Variants in MAT2A observed in about 807,000 individuals in gnomAD.
MAT2A encodes S-adenosylmethionine synthase isoform type-2.
A neutral mutation model predicts 43.9 loss-of-function variants in MAT2A; 3 were observed. The observed-to-expected ratio is 0.07, with a 90% CI of 0.03 to 0.18. The LOEUF (loss-of-function observed/expected upper bound fraction) is 0.18, where lower values mean the gene tolerates loss of function less well. MAT2A is among the 10% of genes least tolerant of loss of function. The pLI is 1.00. For missense variants in MAT2A, 204 were observed against 489.0 expected (o/e 0.42, Z 5.50); for synonymous variants, 200 against 168.4 (o/e 1.19, Z -1.45).
At chr2:85,539,414 G>C (rs772696334) in intron 1 of MAT2A, 36 bp downstream of exon 1, 39 of 1,535,996 alleles carry the variant, frequency 2.5e-5, no homozygotes, top group Non-Finnish European at 3.0e-5. Context: ...GTGGGGCGGG[G>C]CAGAAGGCAG....
rs1691507595 is a variant in MAT2A at position 85,542,761 on chromosome 2, ATAT to A, written c.951+15_951+17del. 6.3e-7 allele frequency: 1 copy of A among 1,592,544 alleles called. No homozygotes were observed. Among genetic ancestry groups the A allele is most frequent in the Non-Finnish European group, 8.6e-7 (1 of 1,165,644 alleles). On this transcript the variant is annotated intron_variant, in intron 7 of 8. Coordinates refer to ENST00000306434, the MANE Select transcript of MAT2A (RefSeq NM_005911.6). Reference sequence around the variant, plus strand: ...GTTCTTGTTCAGGTATACACTCTTTATATAACGAACGATTAAAAGTCATGTAAG... The same window carrying A: ...GTTCTTGTTCAGGTATACACTCTTTAAACGAACGATTAAAAGTCATGTAAG...
At chr2:85,540,666 T>C (rs1026007828) in intron 1 of MAT2A, among the ~76,000 whole-genome samples, 1 of 152,256 alleles carries the variant, frequency 6.6e-6, no homozygotes, top group Admixed American at 6.5e-5. Flanking sequence ...CAAAATCAGA[T>C]AATTGCCATT....
intron 8 of MAT2A, 73 bp downstream of exon 8, chr2:85,543,107 G>A: frequency 6.7e-7 from 1 of 1,500,680 alleles, no homozygotes; most frequent in Non-Finnish European, 9.0e-7. Flanking sequence ...TTAAGGCTGA[G>A]GAGGTGAAGG....
chr2:85,542,129 T>G, intron 5 of MAT2A, 26 bp from the exon 6 acceptor site: 1 of 1,598,790 alleles, frequency 6.3e-7, no homozygotes, highest in Middle Eastern at 1.7e-4. Context: ...TGGTGTGATG[T>G]TCTGATGACC....
chr2:85,541,074 C>CT lies in MAT2A; in HGVS notation c.92-5dup. The CT allele has an allele frequency of 1.2e-6, 2 of 1,603,820 alleles. No individual in the cohort carries two copies. Among genetic ancestry groups the CT allele is most frequent in the Non-Finnish European group, 1.7e-6 (2 of 1,174,010 alleles). ...TAAAGAAACTGAGCCAGGAATTTCT[C>CT]TTTTCCAGATAAGATTTGTGACCAA... On this transcript the variant is annotated splice_polypyrimidine_tract_variant and intron_variant, in intron 1 of 8. Coordinates refer to ENST00000306434, the MANE Select transcript of MAT2A (RefSeq NM_005911.6).
chr2:85,542,852 A>G lies in MAT2A; in HGVS notation c.952-49A>G, dbSNP rs2043675. On this transcript the variant is annotated intron_variant, in intron 7 of 8. Transcript: ENST00000306434. The stretch of plus-strand genomic sequence containing the variant: ...TTTTATACCAACGTATTATACAAGT[A>G]TATGGGTCTTTGCAATCACTGATTC... 0.28 allele frequency: 441,676 copies of G among 1,593,930 alleles called. 62,648 individuals carry two copies. Among genetic ancestry groups the G allele is most frequent in the African/African-American group, 0.36 (26,909 of 74,318 alleles).
chr2:85,541,036 CTTTG>C (rs749961627), intron 1 of MAT2A, 43 bp from the exon 2 acceptor site: 2 of 1,369,706 alleles, frequency 1.5e-6, no homozygotes, highest in Non-Finnish European at 1.0e-6. Context: ...TACATACATA[CTTTG>C]TTTAAAGTTA....
chr2:85,539,940 T>G (rs1454506238), intron 1 of MAT2A: 2 of 153,076 alleles, frequency 1.3e-5, no homozygotes, highest in Non-Finnish European at 2.9e-5. Context: ...AGTGGTTAGG[T>G]CTTGACTACA....
intron 8 of MAT2A, 81 bp downstream of exon 8, chr2:85,543,115 A>G: frequency 1.4e-6 from 2 of 1,451,758 alleles, no homozygotes; most frequent in Non-Finnish European, 1.9e-6. Context: ...GAGGAGGTGA[A>G]GGTGTGAAGG....
Position 85,542,304 on chromosome 2 carries a change from G to A in MAT2A, c.699G>A (p.Ala233=), listed in dbSNP as rs1407097517. The change falls in exon 6 of 9, where the codon GCG becomes GCA. Residue 233 remains alanine (A), a synonymous_variant. Coordinates refer to ENST00000306434, the MANE Select transcript of MAT2A (RefSeq NM_005911.6). ...AAGTCATCAAAGCAGTTGTGCCTGCGAAATACCTTGATGAGGATACAATCT... is the reference window on the plus strand; with the variant it reads ...AAGTCATCAAAGCAGTTGTGCCTGCAAAATACCTTGATGAGGATACAATCT... ...KEKVIKAVVP[A]KYLDEDTIYH... is the part of the protein sequence containing the mutation. 8.7e-6 allele frequency: 14 copies of A among 1,614,056 alleles called. No homozygotes were observed. In the African/African-American group the frequency reaches 1.1e-4, roughly 12 times the overall value.
chr2:85,541,059 G>T, intron 1 of MAT2A, 24 bp from the exon 2 acceptor site: 2 of 1,570,060 alleles, frequency 1.3e-6, no homozygotes, highest in Non-Finnish European at 1.7e-6. Context: ...TAAAGAAACT[G>T]AGCCAGGAAT....
intron 8 of MAT2A, 49 bp downstream of exon 8, chr2:85,543,083 G>A (rs750626273): frequency 5.6e-6 from 9 of 1,597,268 alleles, no homozygotes; most frequent in East Asian, 2.2e-5. Context: ...GGTGTTGGGT[G>A]TGTGTGTATA....
At chr2:85,539,514 C>A in intron 1 of MAT2A, 136 bp downstream of exon 1, 1 of 587,746 alleles carries the variant, frequency 1.7e-6, no homozygotes, top group Non-Finnish European at 2.8e-6. Context: ...GGCGACCGCG[C>A]GCTTTCCTCG....
rs769208420 is a variant in MAT2A at position 85,539,258 on chromosome 2, G to C, written c.-30G>C. The C allele has an allele frequency of 1.3e-6, 2 of 1,559,896 alleles. No homozygotes were observed. The highest frequency in any genetic ancestry group is 1.1e-5 in the South Asian group (1 of 87,580). ...GCTGCCGCCTCGCCGCTGCTCCTTC[G>C]TAAGGCCACTTCCGCACACCGACAC... On this transcript the variant is annotated 5_prime_UTR_variant, in exon 1 of 9. Transcript: ENST00000306434.
intron 8 of MAT2A, 67 bp from the exon 9 acceptor site, chr2:85,543,603 C>T (rs533174447): frequency 6.5e-5 from 64 of 990,514 alleles, no homozygotes; most frequent in Middle Eastern, 6.4e-4. Flanking sequence ...GAAAATGAGT[C>T]TTGCTGATTG....
At chr2:85,542,498 C>G in intron 6 of MAT2A, 67 bp from the exon 7 acceptor site, 1 of 1,545,938 alleles carries the variant, frequency 6.5e-7, no homozygotes, top group South Asian at 1.1e-5. Context: ...TGAATGAATT[C>G]AGAATAGGCA....
At position 85,544,398 on chromosome 2, in the gene MAT2A, C is replaced by T. The variant is rs1691559670; in HGVS notation, c.*626C>T. Reference sequence around the variant, plus strand: ...TCAAAAAAGGCAGTTACCATTAAACCATCTCCCTGGTGCTTATGCTCTTAA... The same window carrying T: ...TCAAAAAAGGCAGTTACCATTAAACTATCTCCCTGGTGCTTATGCTCTTAA... On this transcript the variant is annotated 3_prime_UTR_variant, in exon 9 of 9. Transcript: ENST00000306434. 6.5e-6 allele frequency: 1 copy of T among 152,676 alleles called. No individual in the cohort carries two copies. The highest frequency in any genetic ancestry group is 2.4e-5 in the African/African-American group (1 of 41,452). The allele number at this position is 152,676 out of a possible 1,614,324, so 9.5% of individuals were successfully genotyped here.
intron 1 of MAT2A, among the ~76,000 whole-genome samples, chr2:85,540,485 T>C (rs938190550): frequency 6.6e-6 from 1 of 152,190 alleles, no homozygotes; most frequent in African/African-American, 2.4e-5. Flanking sequence ...CACATTATGT[T>C]TGGATTCTGT....
At chr2:85,539,539 C>A in intron 1 of MAT2A, 161 bp downstream of exon 1, 2 of 505,122 alleles carry the variant, frequency 4.0e-6, no homozygotes, top group Non-Finnish European at 7.0e-6. Flanking sequence ...GCCGCCAGGG[C>A]CTGGCGCGTG....
Sources: gnomAD v4.1 joint callset for allele counts (sites outside exome capture counted in the v4.1 genomes callset) on GRCh38, gnomAD v4.1.1 for gene constraint, MANE v1.5 for transcripts, NCBI Gene and HGNC (gene_info 2026-07-23, HGNC 2026-07-21) for gene names.